The following SYNE3 variants were observed in gnomAD, a reference collection of about 807,000 sequenced individuals.
SYNE3 encodes nesprin-3.
In SYNE3, 100 loss-of-function variants were observed where a neutral mutation model predicts 111.2. That is an observed-to-expected ratio of 0.90 (90% CI 0.77 to 1.06). SYNE3 has a LOEUF of 1.06. Among genes scored for constraint, SYNE3 ranks in the 50% least tolerant of loss-of-function variants. The pLI is 0.00. For missense variants in SYNE3, 1,160 were observed against 1,240.3 expected, an observed-to-expected ratio of 0.94 and a Z score of 0.97; for synonymous variants, 547 against 533.9, an observed-to-expected ratio of 1.02 and a Z score of -0.34.
chr14:95,430,638 A>G (rs1264399655), intron 17 of SYNE3, among the ~76,000 whole-genome samples: 1 of 152,164 alleles, frequency 6.6e-6, no homozygotes, highest in Non-Finnish European at 1.5e-5. Context: ...AGCCTGGCCA[A>G]CATGGTGAAA....
chr14:95,427,376 C>CTG (rs1215738174), intron 17 of SYNE3, among the ~76,000 whole-genome samples: 1 of 152,200 alleles, frequency 6.6e-6, no homozygotes, highest in African/African-American at 2.4e-5. Context: ...GAGGGCCTGA[C>CTG]ATCAGTCAGG....
At chr14:95,499,151 G>A (rs1161437007) in intron 1 of SYNE3, among the ~76,000 whole-genome samples, 2 of 152,156 alleles carry the variant, frequency 1.3e-5, no homozygotes, top group African/African-American at 4.8e-5. Flanking sequence ...GGATCCAGAG[G>A]CTTAGGCACG....
At chr14:95,499,037 T>C (rs1595258577) in intron 1 of SYNE3, among the ~76,000 whole-genome samples, 1 of 152,168 alleles carries the variant, frequency 6.6e-6, no homozygotes, top group African/African-American at 2.4e-5. Flanking sequence ...CAAATGGGAG[T>C]TCTTGGCGGG....
chr14:95,516,300 G>C (rs11622714), intron 1 of SYNE3: 9,248 of 152,362 alleles, frequency 0.061, 299 homozygotes, highest in South Asian at 0.075. Flanking sequence ...CGGGGCTTTA[G>C]GGCTTTTTCT....
intron 1 of SYNE3, among the ~76,000 whole-genome samples, chr14:95,502,092 C>G (rs1170958568): frequency 1.3e-5 from 2 of 152,108 alleles, no homozygotes; most frequent in Non-Finnish European, 2.9e-5. Flanking sequence ...TGACTTTGAC[C>G]TAGGATGACC....
chr14:95,482,307 G>A lies in SYNE3; in HGVS notation c.-14-6472C>T, dbSNP rs147371728. 1.7e-3 allele frequency among the ~76,000 whole-genome samples: 260 copies of A among 152,266 alleles called. 1 individual carries two copies. Among genetic ancestry groups the A allele is most frequent in the African/African-American group, 5.5e-3 (229 of 41,550 alleles). On this transcript the variant is annotated intron_variant, in intron 1 of 17. Coordinates refer to ENST00000682763, the MANE Select transcript of SYNE3 (RefSeq NM_152592.6). Reference sequence around the variant, plus strand: ...AAATTAGCCAGGCGTGATAGCGTGCGCCTGTAATCCCAGCTACTTGGGAGG... The same window carrying A: ...AAATTAGCCAGGCGTGATAGCGTGCACCTGTAATCCCAGCTACTTGGGAGG...
At chr14:95,498,908 TA>T (rs149755393) in intron 1 of SYNE3, among the ~76,000 whole-genome samples, 3,709 of 151,986 alleles carry the variant, frequency 0.024, 72 homozygotes, top group Middle Eastern at 0.037. Context: ...ACTTTCCAGC[TA>T]AAAAAAATAC....
intron 2 of SYNE3, among the ~76,000 whole-genome samples, chr14:95,469,868 A>G (rs1450388802): frequency 6.6e-6 from 1 of 152,194 alleles, no homozygotes; most frequent in Non-Finnish European, 1.5e-5. Context: ...TACTCCATAC[A>G]ATAATCGTTG....
intron 4 of SYNE3, among the ~76,000 whole-genome samples, chr14:95,462,411 C>T (rs150677142): frequency 6.6e-6 from 1 of 152,338 alleles, no homozygotes; most frequent in East Asian, 1.9e-4. Context: ...ACTGAATTCA[C>T]TTCTCCATGC....
At position 95,411,949 on chromosome 14, in the gene SYNE3, T is replaced by C. The variant is rs1447416821; in HGVS notation, c.*5877A>G. The C allele has an allele frequency of 6.6e-6, 1 of 152,344 alleles. No homozygotes were observed. The highest frequency in any genetic ancestry group is 1.5e-5 in the Non-Finnish European group (1 of 68,128). 9.4% of individuals were successfully genotyped at this position (152,344 alleles called of 1,614,324 possible). ...ACACATTTTTACCAGGAAGACAGAC[T>C]AATAATTGGGCTAGTAATGGACACG... is the stretch of plus-strand genomic sequence containing the variant. On this transcript the variant is annotated 3_prime_UTR_variant, in exon 18 of 18. Coordinates refer to ENST00000682763, the MANE Select transcript of SYNE3 (RefSeq NM_152592.6).
chr14:95,516,053 G>T, intron 1 of SYNE3: 1 of 152,454 alleles, frequency 6.6e-6, no homozygotes. Context: ...CAGAGAGGTT[G>T]AGCTGCTTGC....
intron 17 of SYNE3, among the ~76,000 whole-genome samples, chr14:95,418,794 G>A (rs1444647612): frequency 6.6e-6 from 1 of 152,046 alleles, no homozygotes; most frequent in African/African-American, 2.4e-5. Context: ...TAGTAGAGAT[G>A]GGGTTTCACC....
chr14:95,441,811 T>C (rs1234814436), intron 11 of SYNE3, among the ~76,000 whole-genome samples: 1 of 152,246 alleles, frequency 6.6e-6, no homozygotes, highest in Non-Finnish European at 1.5e-5. Context: ...GCTCCACAGG[T>C]GATGCCTTAT....
In SYNE3 at chr14:95,470,779, G is replaced by A. The variant is rs1888481120; in HGVS notation, c.145-2812C>T. The stretch of plus-strand genomic sequence containing the variant: ...TTGAGGCCATCCTGGCCAACATGGT[G>A]AAACACCGTCTCTACTGAAAATACA... On this transcript the variant is annotated intron_variant, in intron 2 of 17. Transcript: ENST00000682763. This position sits in a 1 kb window ranked among gnomAD's most constrained non-coding sequence, Gnocchi z 4.2. Among the ~76,000 whole-genome samples the A allele has an allele frequency of 1.3e-5, 2 of 152,172 alleles. No homozygotes were observed. Among genetic ancestry groups the A allele is most frequent in the South Asian group, 4.1e-4 (2 of 4,828 alleles).
intron 7 of SYNE3, 150 bp from the exon 8 acceptor site, chr14:95,450,255 C>T (rs1886992579): frequency 3.4e-6 from 3 of 890,548 alleles, no homozygotes; most frequent in South Asian, 1.8e-5. Flanking sequence ...ATGTCTGCAG[C>T]AGTAGACAGA....
At chr14:95,484,017 T>C (rs1432061701) in intron 1 of SYNE3, among the ~76,000 whole-genome samples, 3 of 152,122 alleles carry the variant, frequency 2.0e-5, no homozygotes, top group Non-Finnish European at 4.4e-5. Context: ...TGCTCTCTGA[T>C]GCACCTGCTT....
At chr14:95,465,792 T>C in intron 4 of SYNE3, 139 bp downstream of exon 4, 1 of 936,292 alleles carries the variant, frequency 1.1e-6, no homozygotes, top group Non-Finnish European at 1.5e-6. Flanking sequence ...AACAGGTGAG[T>C]AGATGGATTG....
chr14:95,506,250 G>A (rs534374478), intron 1 of SYNE3, among the ~76,000 whole-genome samples: 10 of 152,200 alleles, frequency 6.6e-5, no homozygotes, highest in Non-Finnish European at 1.0e-4. Context: ...CTGAGGCTCA[G>A]GGTTGGGAAT....
chr14:95,454,381 C>T (rs1887281651), intron 6 of SYNE3, among the ~76,000 whole-genome samples: 1 of 152,256 alleles, frequency 6.6e-6, no homozygotes, highest in Admixed American at 6.5e-5. Context: ...CCTCTCAGTG[C>T]TTCATTTCAC....
Sources: allele counts gnomAD v4.1 joint callset (sites outside exome capture counted in the v4.1 genomes callset), GRCh38; gene constraint gnomAD v4.1.1; non-coding constraint Gnocchi (gnomAD v3.1); transcripts MANE v1.5; gene names NCBI Gene and HGNC (gene_info 2026-07-23, HGNC 2026-07-21).